TBC1D22A: variants seen among roughly 807,000 people sequenced by gnomAD.
TBC1D22A encodes the protein TBC1 domain family member 22A.
A neutral mutation model predicts 60.2 loss-of-function variants in TBC1D22A; 38 were observed. The observed-to-expected ratio is 0.63, with a 90% confidence interval of 0.49 to 0.83. The LOEUF is 0.83. Ranked by LOEUF, TBC1D22A falls within the 40% of genes least tolerant of loss-of-function variation. The probability of loss-of-function intolerance (pLI) is 0.00; values close to 1 mark genes in which losing one functional copy is unlikely to be tolerated. For synonymous variants in TBC1D22A, 302 were observed against 281.7 expected, an observed-to-expected ratio of 1.07 and a Z score of -0.72; for missense variants, 628 against 701.0, an observed-to-expected ratio of 0.90 and a Z score of 1.18.
intron 8 of TBC1D22A, among the ~76,000 whole-genome samples, chr22:46,973,798 A>G (rs1369990742): frequency 6.6e-6 from 1 of 152,212 alleles, no homozygotes; most frequent in Non-Finnish European, 1.5e-5. Flanking sequence ...TCTTTGACGC[A>G]CATCTGTGGT....
intron 4 of TBC1D22A, among the ~76,000 whole-genome samples, chr22:46,858,614 T>C (rs544264754): frequency 6.6e-6 from 1 of 152,222 alleles, no homozygotes; most frequent in East Asian, 1.9e-4. Flanking sequence ...TCCCCACCGA[T>C]TGTGGGAGGA....
intron 1 of TBC1D22A, among the ~76,000 whole-genome samples, chr22:46,778,153 G>A (rs2083781734): frequency 6.6e-6 from 1 of 151,816 alleles, no homozygotes; most frequent in Non-Finnish European, 1.5e-5. Flanking sequence ...GCCCTTGGTG[G>A]GTCGGTGAAT....
At chr22:47,142,284 C>T (rs1455862311) in intron 12 of TBC1D22A, among the ~76,000 whole-genome samples, 2 of 133,068 alleles carry the variant, frequency 1.5e-5, no homozygotes, top group Admixed American at 1.5e-4. Context: ...CCACCCCATC[C>T]ACCCACCCAT....
rs150338485 is a variant in TBC1D22A, at chr22:47,060,111, T to G, written c.1329+22913T>G. On this transcript the variant is annotated intron_variant, in intron 11 of 12. Transcript: ENST00000337137. ...AGTTTATGTCCTGATTGTTGGTGCA[T>G]GTTTTATGCACGTGTTGGCTCCGTT... Among the ~76,000 whole-genome samples the G allele has an allele frequency of 1.3e-3, 204 of 152,298 alleles. 1 individual carries two copies. The highest frequency in any genetic ancestry group is 4.8e-3 in the African/African-American group (198 of 41,572).
intron 12 of TBC1D22A, among the ~76,000 whole-genome samples, chr22:47,124,090 A>G (rs1344391311): frequency 6.6e-6 from 1 of 151,912 alleles, no homozygotes; most frequent in Non-Finnish European, 1.5e-5. Context: ...CTCCCCGAAG[A>G]GGGGTCCTTG....
intron 8 of TBC1D22A, among the ~76,000 whole-genome samples, chr22:46,953,842 C>A (rs2073045331): frequency 6.6e-6 from 1 of 152,208 alleles, no homozygotes; most frequent in African/African-American, 2.4e-5. Context: ...TTCAGCTTAG[C>A]TGTGCATGTG....
chr22:47,031,485 T>C (rs1482344722), intron 10 of TBC1D22A, among the ~76,000 whole-genome samples: 1 of 152,238 alleles, frequency 6.6e-6, no homozygotes, highest in Admixed American at 6.5e-5. Flanking sequence ...TAACGCTGTG[T>C]CCGGTTTTCT....
intron 4 of TBC1D22A, among the ~76,000 whole-genome samples, chr22:46,821,325 T>A (rs143260122): frequency 0.014 from 2,145 of 152,286 alleles, 51 homozygotes; most frequent in African/African-American, 0.049. Flanking sequence ...AGTTGCTTCA[T>A]AGTGTCATTG....
chr22:46,963,840 G>A (rs1033945231), intron 8 of TBC1D22A, among the ~76,000 whole-genome samples: 12 of 152,230 alleles, frequency 7.9e-5, no homozygotes, highest in African/African-American at 2.9e-4. Context: ...CCTCAGCAGT[G>A]GGGAGGCAGG....
At chr22:47,033,999 A>T (rs1304827915) in intron 10 of TBC1D22A, among the ~76,000 whole-genome samples, 1 of 152,160 alleles carries the variant, frequency 6.6e-6, no homozygotes, top group Non-Finnish European at 1.5e-5. Flanking sequence ...CAGCCGTGGG[A>T]TTAAATTCTG....
At chr22:46,847,826 A>T (rs576864688) in intron 4 of TBC1D22A, among the ~76,000 whole-genome samples, 1 of 152,292 alleles carries the variant, frequency 6.6e-6, no homozygotes, top group East Asian at 1.9e-4. Context: ...AAAAGTTTCC[A>T]TTGTAAATGG....
At chr22:46,843,079 C>T (rs1398882296) in intron 4 of TBC1D22A, among the ~76,000 whole-genome samples, 1 of 152,210 alleles carries the variant, frequency 6.6e-6, no homozygotes, top group South Asian at 2.1e-4. Context: ...TAGTTCCATG[C>T]GTTCAGCTGG....
chr22:46,995,043 C>T (rs1320862538), intron 9 of TBC1D22A, among the ~76,000 whole-genome samples: 1 of 152,212 alleles, frequency 6.6e-6, no homozygotes, highest in African/African-American at 2.4e-5. Flanking sequence ...CTGACACCAT[C>T]GCAGCTCCTT....
intron 9 of TBC1D22A, among the ~76,000 whole-genome samples, chr22:46,993,919 G>A (rs971946322): frequency 6.6e-6 from 1 of 152,212 alleles, no homozygotes; most frequent in African/African-American, 2.4e-5. Flanking sequence ...ACCCCCCTGT[G>A]TCTTAGCCTT....
intron 12 of TBC1D22A, among the ~76,000 whole-genome samples, chr22:47,155,142 A>T (rs537402678): frequency 5.3e-4 from 81 of 152,224 alleles, no homozygotes; most frequent in African/African-American, 1.9e-3. Flanking sequence ...GGGCAGCGTG[A>T]TGGGGACGCT....
intron 11 of TBC1D22A, among the ~76,000 whole-genome samples, chr22:47,099,948 G>A (rs2065344789): frequency 6.6e-6 from 1 of 152,216 alleles, no homozygotes; most frequent in African/African-American, 2.4e-5. Context: ...CCCAAACAGT[G>A]AGGGCCTCGA....
chr22:46,908,087 C>T (rs950422939), intron 7 of TBC1D22A, among the ~76,000 whole-genome samples: 8 of 152,150 alleles, frequency 5.3e-5, no homozygotes, highest in Admixed American at 2.6e-4. Context: ...TGGAAAGCCA[C>T]GGGGGCCGGA....
intron 11 of TBC1D22A, among the ~76,000 whole-genome samples, chr22:47,071,437 C>G (rs2063983723): frequency 6.6e-6 from 1 of 152,270 alleles, no homozygotes. Flanking sequence ...TCTCTCCCCA[C>G]TCTGCCCTCC....
At chr22:46,806,002 A>ATG (rs2085116176) in intron 4 of TBC1D22A, among the ~76,000 whole-genome samples, 1 of 109,588 alleles carries the variant, frequency 9.1e-6, no homozygotes, top group African/African-American at 3.4e-5. Context: ...ACAGGCACCC[A>ATG]CCACCACACC....
Sources: gnomAD v4.1 joint callset for allele counts (sites outside exome capture counted in the v4.1 genomes callset) on GRCh38, gnomAD v4.1.1 for gene constraint, MANE v1.5 for transcripts, NCBI Gene and HGNC (gene_info 2026-07-23, HGNC 2026-07-21) for gene names.